The following KCND2 variants were observed in gnomAD, a reference collection of about 807,000 sequenced individuals.
KCND2 encodes the protein A-type voltage-gated potassium channel KCND2.
KCND2 carries 16 observed loss-of-function variants against 54.4 expected under a neutral mutation model. That is an observed-to-expected ratio of 0.29 (90% CI 0.20 to 0.45). The LOEUF is 0.45. Ranked by LOEUF, KCND2 falls within the 20% of genes least tolerant of loss-of-function variation. The pLI, the probability that KCND2 is intolerant of heterozygous loss-of-function variation, is 1.00. For missense variants in KCND2, 486 were observed against 824.2 expected (o/e 0.59, Z 5.02); for synonymous variants, 317 against 310.7 (o/e 1.02, Z -0.21).
At position 120,650,884 on chromosome 7, in the gene KCND2, A is replaced by T. The variant is rs1476279313; in HGVS notation, c.1116-82019A>T. The stretch of plus-strand genomic sequence containing the variant: ...TTGGAGTTTGCTGGAGGTCCACTCC[A>T]GACCCTGTTTGCCTGGGTATCAGCA... On this transcript the variant is annotated intron_variant, in intron 1 of 5. Transcript: ENST00000331113. 8.3e-5 allele frequency among the ~76,000 whole-genome samples: 12 copies of T among 143,768 alleles called. 3 individuals carry two copies. Among genetic ancestry groups the T allele is most frequent in the African/African-American group, 3.3e-4 (12 of 36,754 alleles). 94.3% of individuals were successfully genotyped at this position (143,768 alleles called of 152,430 possible).
chr7:120,591,099 A>G (rs1447428381), intron 1 of KCND2, among the ~76,000 whole-genome samples: 1 of 152,188 alleles, frequency 6.6e-6, no homozygotes, highest in Non-Finnish European at 1.5e-5. Flanking sequence ...AAAAATTAGT[A>G]GCTTTTTTCC....
intron 1 of KCND2, among the ~76,000 whole-genome samples, chr7:120,634,065 G>T (rs1793272397): frequency 1.3e-5 from 2 of 152,122 alleles, no homozygotes; most frequent in Non-Finnish European, 2.9e-5. Flanking sequence ...GATCTAACAG[G>T]CATTTATAGA....
At chr7:120,571,761 A>G (rs1792369111) in intron 1 of KCND2, among the ~76,000 whole-genome samples, 1 of 152,234 alleles carries the variant, frequency 6.6e-6, no homozygotes, top group Non-Finnish European at 1.5e-5. Context: ...AAAATAAACC[A>G]GGATTTGCCA....
At chr7:120,310,361 T>C (rs1187088188) in intron 1 of KCND2, among the ~76,000 whole-genome samples, 2 of 152,198 alleles carry the variant, frequency 1.3e-5, no homozygotes, top group Non-Finnish European at 2.9e-5. Context: ...ATTTACAGAA[T>C]CTAACGACAA....
intron 1 of KCND2, among the ~76,000 whole-genome samples, chr7:120,569,868 A>G (rs1360574019): frequency 1.3e-5 from 2 of 152,096 alleles, no homozygotes; most frequent in Non-Finnish European, 2.9e-5. Flanking sequence ...CAAGACCACA[A>G]CAGTGACAGG....
In KCND2 at chr7:120,420,192, A is replaced by G. The variant is rs990768639; in HGVS notation, c.1115+144445A>G. On this transcript the variant is annotated intron_variant, in intron 1 of 5. Coordinates refer to ENST00000331113, the MANE Select transcript of KCND2 (RefSeq NM_012281.3). ...GCCTTTAGTTAGTGCTTAGCATAGA[A>G]TATTTACTGTATAATTATTAACGAT... is the stretch of plus-strand genomic sequence containing the variant. Among the ~76,000 whole-genome samples, 6 of 152,258 alleles carry G rather than the reference A, an allele frequency of 3.9e-5. No individual in the cohort carries two copies. The South Asian group carries it at 8.3e-4, about 21-fold the overall frequency.
chr7:120,382,123 G>T (rs1401067296), intron 1 of KCND2, among the ~76,000 whole-genome samples: 1 of 151,904 alleles, frequency 6.6e-6, no homozygotes, highest in African/African-American at 2.4e-5. Flanking sequence ...CCAGGAGAAA[G>T]TGTTGTTTTC....
At chr7:120,516,859 C>T (rs1803204250) in intron 1 of KCND2, among the ~76,000 whole-genome samples, 1 of 152,026 alleles carries the variant, frequency 6.6e-6, no homozygotes, top group Non-Finnish European at 1.5e-5. Flanking sequence ...AAATGTTTTA[C>T]GATGAAATCT....
chr7:120,508,755 G>T (rs1281335971), intron 1 of KCND2, among the ~76,000 whole-genome samples: 2 of 152,020 alleles, frequency 1.3e-5, no homozygotes, highest in Admixed American at 1.3e-4. Context: ...ATTATAGAAA[G>T]CCTATTTTGC....
chr7:120,385,211 A>G (rs1161785331), intron 1 of KCND2, among the ~76,000 whole-genome samples: 1 of 151,318 alleles, frequency 6.6e-6, no homozygotes, highest in Non-Finnish European at 1.5e-5. Context: ...ATCATGTTCA[A>G]GAACTCCTGA....
Position 120,588,402 on chromosome 7 carries a change from A to AGTGTGTGTGTGTGT in KCND2, c.1116-144474_1116-144461dup, listed in dbSNP as rs3993713. ...GAATAATAGAGGGAGGCAACTGTGCAGTGTGTGTGTGTGTGTGTGTGTGTG... is the reference window on the plus strand; with the variant it reads ...GAATAATAGAGGGAGGCAACTGTGCAGTGTGTGTGTGTGTGTGTGTGTGTGTGTGTGTGTGTGTG... On this transcript the variant is annotated intron_variant, in intron 1 of 5. Coordinates refer to ENST00000331113, the MANE Select transcript of KCND2 (RefSeq NM_012281.3). Among the ~76,000 whole-genome samples, 695 of 141,408 alleles carry AGTGTGTGTGTGTGT rather than the reference A, an allele frequency of 4.9e-3. 2 individuals carry two copies. Among genetic ancestry groups the AGTGTGTGTGTGTGT allele is most frequent in the Middle Eastern group, 7.1e-3 (2 of 282 alleles). 92.8% of individuals were successfully genotyped at this position (141,408 alleles called of 152,430 possible).
intron 1 of KCND2, among the ~76,000 whole-genome samples, chr7:120,595,137 A>C (rs1283116130): frequency 6.6e-6 from 1 of 152,072 alleles, no homozygotes; most frequent in African/African-American, 2.4e-5. Flanking sequence ...CATCACATGC[A>C]TCCATCTCAG....
chr7:120,554,624 G>A lies in KCND2; in HGVS notation c.1116-178279G>A, dbSNP rs1431307918. ...GGGGTTTCACCGTGTTAGCCAGGATGGTGTCGATCTCCTGACCTCGTGATC... is the reference window on the plus strand; with the variant it reads ...GGGGTTTCACCGTGTTAGCCAGGATAGTGTCGATCTCCTGACCTCGTGATC... On this transcript the variant is annotated intron_variant, in intron 1 of 5. Transcript: ENST00000331113. Among the ~76,000 whole-genome samples the A allele has an allele frequency of 1.1e-4, 16 of 152,040 alleles. 1 individual carries two copies. Among genetic ancestry groups the A allele is most frequent in the Admixed American group, 1.0e-3 (16 of 15,254 alleles).
At chr7:120,509,224 CA>C (rs988883082) in intron 1 of KCND2, among the ~76,000 whole-genome samples, 1 of 150,686 alleles carries the variant, frequency 6.6e-6, no homozygotes, top group Non-Finnish European at 1.5e-5. Context: ...GATCCTGGAA[CA>C]AAAAAAATAA....
At chr7:120,591,409 G>T (rs951139544) in intron 1 of KCND2, among the ~76,000 whole-genome samples, 1 of 152,150 alleles carries the variant, frequency 6.6e-6, no homozygotes, top group African/African-American at 2.4e-5. Flanking sequence ...TCCAAGCTCT[G>T]CAGATTCAGA....
At position 120,356,725 on chromosome 7, in the gene KCND2, A is replaced by AT. The variant is rs556366734; in HGVS notation, c.1115+80985dup. On this transcript the variant is annotated intron_variant, in intron 1 of 5. Coordinates refer to ENST00000331113, the MANE Select transcript of KCND2 (RefSeq NM_012281.3). ...TTTCTTGCTATTGGCAACTTCTTGGATTTTTTTATCCAGGATGAACTAAGG... is the reference window on the plus strand; with the variant it reads ...TTTCTTGCTATTGGCAACTTCTTGGATTTTTTTTATCCAGGATGAACTAAGG... Among the ~76,000 whole-genome samples the AT allele has an allele frequency of 1.4e-4, 22 of 152,186 alleles. No homozygotes were observed. The East Asian group carries it at 3.5e-3, about 24-fold the overall frequency.
intron 4 of KCND2, among the ~76,000 whole-genome samples, chr7:120,743,433 G>A (rs766188002): frequency 7.9e-5 from 12 of 152,090 alleles, no homozygotes; most frequent in Non-Finnish European, 1.5e-4. Flanking sequence ...CCCAAGAAAC[G>A]CCATGAAATG....
chr7:120,400,305 TA>T (rs1008898797), intron 1 of KCND2, among the ~76,000 whole-genome samples: 1 of 152,172 alleles, frequency 6.6e-6, no homozygotes, highest in Admixed American at 6.6e-5. Flanking sequence ...GAGAAAATTT[TA>T]AAAAATGTAT....
At chr7:120,358,788 A>G (rs539670332) in intron 1 of KCND2, among the ~76,000 whole-genome samples, 1 of 152,168 alleles carries the variant, frequency 6.6e-6, no homozygotes, top group African/African-American at 2.4e-5. Flanking sequence ...TGCAGGCTGT[A>G]CTCTTCTGTA....
Sources: gnomAD v4.1 joint callset for allele counts (sites outside exome capture counted in the v4.1 genomes callset) on GRCh38, gnomAD v4.1.1 for gene constraint, MANE v1.5 for transcripts, NCBI Gene and HGNC (gene_info 2026-07-23, HGNC 2026-07-21) for gene names.